Variants in UBTD1 observed in about 807,000 individuals in gnomAD.
UBTD1 encodes ubiquitin domain containing 1.
UBTD1 carries 19 observed loss-of-function variants against 21.7 expected under a neutral mutation model. The ratio of observed to expected loss-of-function variants is 0.87; its 90% CI spans 0.61 to 1.28. The LOEUF (loss-of-function observed/expected upper bound fraction) is 1.28. UBTD1 is among the 50% of genes most tolerant of loss of function. UBTD1 has a pLI of 0.00. For synonymous variants in UBTD1, 116 were observed against 135.1 expected, an observed-to-expected ratio of 0.86 and a Z score of 0.98; for missense variants, 282 against 315.1, an observed-to-expected ratio of 0.89 and a Z score of 0.80.
At chr10:97,534,577 GCGCACACACACA>G (rs1295787461) in intron 1 of UBTD1, among the ~76,000 whole-genome samples, 18 of 88,526 alleles carry the variant, frequency 2.0e-4, no homozygotes, top group African/African-American at 4.9e-4. Flanking sequence ...ACACGCGCGC[GCGCACACACACA>G]CACACACACA....
At chr10:97,528,484 T>A (rs1322730143) in intron 1 of UBTD1, among the ~76,000 whole-genome samples, 2 of 58,112 alleles carry the variant, frequency 3.4e-5, no homozygotes, top group South Asian at 9.5e-4. Flanking sequence ...CGGGCAGAGG[T>A]GCCCCTCACC....
At chr10:97,529,299 G>T (rs2040513740) in intron 1 of UBTD1, among the ~76,000 whole-genome samples, 1 of 149,904 alleles carries the variant, frequency 6.7e-6, no homozygotes, top group African/African-American at 2.5e-5. Flanking sequence ...CAGGCAAAGG[G>T]GCTCCTCACA....
At chr10:97,555,945 TC>T (rs199499847) in intron 1 of UBTD1, among the ~76,000 whole-genome samples, 2,527 of 152,268 alleles carry the variant, frequency 0.017, 74 homozygotes, top group African/African-American at 0.059. Context: ...TTCCCTCATT[TC>T]CCCCCTTTGA....
intron 1 of UBTD1, among the ~76,000 whole-genome samples, chr10:97,526,034 G>T (rs1490030616): frequency 3.3e-5 from 5 of 152,164 alleles, no homozygotes; most frequent in African/African-American, 1.2e-4. Flanking sequence ...TCAGAGTGGG[G>T]AGAGAGTGCC....
At chr10:97,567,584 G>A (rs1396657089) in intron 1 of UBTD1, among the ~76,000 whole-genome samples, 1 of 151,808 alleles carries the variant, frequency 6.6e-6, no homozygotes, top group Non-Finnish European at 1.5e-5. Flanking sequence ...GCTTGAACCC[G>A]GGAGGCGGAG....
intron 1 of UBTD1, among the ~76,000 whole-genome samples, chr10:97,508,891 G>A (rs2040409785): frequency 6.6e-6 from 1 of 152,180 alleles, no homozygotes; most frequent in Non-Finnish European, 1.5e-5. Context: ...TGCAAATATT[G>A]TTGTTTCCTC....
At chr10:97,554,546 CATTTATTT>C (rs1242602463) in intron 1 of UBTD1, among the ~76,000 whole-genome samples, 2 of 151,514 alleles carry the variant, frequency 1.3e-5, no homozygotes, top group Non-Finnish European at 1.5e-5. Flanking sequence ...TGTGCCTGAC[CATTTATTT>C]ATTTATTTAT....
At chr10:97,514,277 A>C (rs1245199444) in intron 1 of UBTD1, among the ~76,000 whole-genome samples, 1 of 152,062 alleles carries the variant, frequency 6.6e-6, no homozygotes, top group Non-Finnish European at 1.5e-5. Flanking sequence ...TCTCAGGTTT[A>C]CCATTCTCCA....
At chr10:97,528,484 T>C (rs1322730143) in intron 1 of UBTD1, among the ~76,000 whole-genome samples, 72 of 58,044 alleles carry the variant, frequency 1.2e-3, no homozygotes, top group Admixed American at 2.2e-3. Flanking sequence ...CGGGCAGAGG[T>C]GCCCCTCACC....
chr10:97,513,122 G>A (rs1441808150), intron 1 of UBTD1, among the ~76,000 whole-genome samples: 1 of 152,202 alleles, frequency 6.6e-6, no homozygotes, highest in African/African-American at 2.4e-5. Flanking sequence ...ACTGTCTGTG[G>A]TCTGCTCTGC....
intron 2 of UBTD1, among the ~76,000 whole-genome samples, chr10:97,568,527 T>C (rs1477882192): frequency 6.6e-6 from 1 of 152,064 alleles, no homozygotes; most frequent in Non-Finnish European, 1.5e-5. Context: ...GTTCAAGCAA[T>C]TCTCCTGCCT....
chr10:97,499,077 C>A lies in UBTD1; in HGVS notation c.-127C>A. 9.2e-7 allele frequency: 1 copy of A among 1,088,892 alleles called. No homozygotes were observed. The highest frequency in any genetic ancestry group is 1.3e-6 in the Non-Finnish European group (1 of 788,024). 67.5% of individuals were successfully genotyped at this position (1,088,892 alleles called of 1,614,324 possible). The stretch of plus-strand genomic sequence containing the variant: ...GAGCCATCGCTGGGGCTGAGCGCGC[C>A]CCCGGGGGGAGATCGGGGAGCGCCC... On this transcript the variant is annotated 5_prime_UTR_variant, in exon 1 of 3. Coordinates refer to ENST00000370664, the MANE Select transcript of UBTD1 (RefSeq NM_024954.5).
At chr10:97,511,827 A>T (rs567188180) in intron 1 of UBTD1, among the ~76,000 whole-genome samples, 1 of 152,288 alleles carries the variant, frequency 6.6e-6, no homozygotes, top group East Asian at 1.9e-4. Context: ...CACCACAGTG[A>T]TTCTTGACAT....
intron 1 of UBTD1, among the ~76,000 whole-genome samples, chr10:97,566,726 G>C (rs1207071821): frequency 6.6e-6 from 1 of 152,172 alleles, no homozygotes; most frequent in African/African-American, 2.4e-5. Context: ...CAGCCAGTGG[G>C]AGCAGCCTGG....
At chr10:97,540,448 G>C (rs1047569106) in intron 1 of UBTD1, among the ~76,000 whole-genome samples, 1 of 152,210 alleles carries the variant, frequency 6.6e-6, no homozygotes, top group Non-Finnish European at 1.5e-5. Context: ...CCACCCAGCT[G>C]TGTGGCCTTT....
In UBTD1 at chr10:97,570,300, G is replaced by T. The variant is rs776369927; in HGVS notation, c.461G>T (p.Arg154Leu). Residue 154 changes from arginine to leucine, a missense_variant, in exon 3 of 3, where the codon CGC becomes CTC. Coordinates refer to ENST00000370664, the MANE Select transcript of UBTD1 (RefSeq NM_024954.5). The surrounding 1 kb of genome is among the most constrained non-coding windows in gnomAD (Gnocchi z 6.6). The part of the protein sequence containing the change: ...SVRREFPLKV[R>L]LSTGKDVRLS... ...CGCCGTGAGTTCCCGCTGAAGGTGCGCCTGTCCACGGGCAAGGACGTGAGG... is the reference window on the plus strand; with the variant it reads ...CGCCGTGAGTTCCCGCTGAAGGTGCTCCTGTCCACGGGCAAGGACGTGAGG... 1.2e-6 allele frequency: 2 copies of T among 1,613,172 alleles called. No homozygotes were observed. Among genetic ancestry groups the T allele is most frequent in the Non-Finnish European group, 1.7e-6 (2 of 1,179,970 alleles).
intron 1 of UBTD1, among the ~76,000 whole-genome samples, chr10:97,519,640 A>T (rs1405781712): frequency 6.6e-6 from 1 of 152,220 alleles, no homozygotes; most frequent in African/African-American, 2.4e-5. Flanking sequence ...TCAGGATCAT[A>T]ATCTCATTTT....
intron 1 of UBTD1, among the ~76,000 whole-genome samples, chr10:97,563,628 G>C (rs1277288330): frequency 2.6e-5 from 4 of 152,166 alleles, no homozygotes; most frequent in Non-Finnish European, 5.9e-5. Context: ...CACTCCAAGA[G>C]GGAGTCAAGA....
intron 1 of UBTD1, among the ~76,000 whole-genome samples, chr10:97,532,659 G>A (rs1481701379): frequency 4.6e-5 from 7 of 152,088 alleles, no homozygotes; most frequent in African/African-American, 7.2e-5. Flanking sequence ...GCGTGGTGGC[G>A]GGCACCTGTA....
Sources: allele counts gnomAD v4.1 joint callset (sites outside exome capture counted in the v4.1 genomes callset), GRCh38; gene constraint gnomAD v4.1.1; non-coding constraint Gnocchi (gnomAD v3.1); transcripts MANE v1.5; gene names NCBI Gene and HGNC (gene_info 2026-07-23, HGNC 2026-07-21).